Variants in NAV2 observed in about 807,000 individuals in gnomAD.
NAV2 encodes helicase, APC down-regulated 1.
NAV2 carries 54 observed loss-of-function variants against 223.2 expected under a neutral mutation model. The observed-to-expected ratio is 0.24, with a 90% CI of 0.19 to 0.30. The LOEUF (loss-of-function observed/expected upper bound fraction) is 0.30. Ranked by LOEUF, NAV2 falls within the 10% of genes least tolerant of loss-of-function variation. The pLI, the probability that NAV2 is intolerant of heterozygous loss-of-function variation, is 1.00. For missense variants in NAV2, 2,806 were observed against 3,147.5 expected (o/e 0.89, Z 2.60); for synonymous variants, 1,279 against 1,239.3 (o/e 1.03, Z -0.67).
rs763324226 is a variant in NAV2, at chr11:20,044,979, G to A, written c.3211G>A (p.Asp1071Asn). ...LKTPGTGKTD[D>N]AKVSEKGRLS... is the part of the protein sequence containing the mutation. ...GATCTCTCTCTTAGGAAAAACAGAC[G>A]ACGCAAAGGTGTCTGAGAAAGGAAG... Residue 1071 changes from aspartate to asparagine, a missense_variant, in exon 14 of 38, where the codon GAC becomes AAC. Around this residue, in one of 4 missense-constraint regions of NAV2, gnomAD observed 742 missense variants for 777.9 expected, o/e 0.95. Coordinates refer to ENST00000349880, the MANE Select transcript of NAV2 (RefSeq NM_145117.5). 5.0e-6 allele frequency: 8 copies of A among 1,604,734 alleles called. No individual in the cohort carries two copies. Among genetic ancestry groups the A allele is most frequent in the South Asian group, 1.1e-5 (1 of 89,728 alleles).
intron 10 of NAV2, among the ~76,000 whole-genome samples, chr11:19,970,825 T>C (rs2049176780): frequency 6.6e-6 from 1 of 152,218 alleles, no homozygotes; most frequent in Non-Finnish European, 1.5e-5. Context: ...ATTCTCTGAG[T>C]CTTCATTTTG....
At chr11:19,717,701 G>A (rs529069730) in intron 1 of NAV2, among the ~76,000 whole-genome samples, 15 of 152,340 alleles carry the variant, frequency 9.8e-5, no homozygotes, top group African/African-American at 3.1e-4. Flanking sequence ...AATGTGCAGG[G>A]TAGTTGTGAG....
chr11:19,530,162 G>A (rs1413040067), intron 1 of NAV2, among the ~76,000 whole-genome samples: 1 of 152,134 alleles, frequency 6.6e-6, no homozygotes, highest in Non-Finnish European at 1.5e-5. Flanking sequence ...TTAGCATTCT[G>A]GTGACCCCAG....
At chr11:20,043,811 A>T in intron 12 of NAV2, 170 bp from the exon 13 acceptor site, 1 of 587,168 alleles carries the variant, frequency 1.7e-6, no homozygotes, top group South Asian at 2.6e-5. Context: ...CCAAAAAAAA[A>T]AAATCAGTCT....
In NAV2 at chr11:19,713,202, C is replaced by T; in HGVS notation, c.-494C>T. 1 of 561,990 alleles carries T rather than the reference C, an allele frequency of 1.8e-6. No homozygotes were observed. The highest frequency in any genetic ancestry group is 7.7e-5 in the South Asian group (1 of 12,904). The allele number at this position is 561,990 out of a possible 1,614,324, so 34.8% of individuals were successfully genotyped here. A position where few individuals can be genotyped will look rare whatever the true frequency, so the allele number is the denominator to read the frequency against. ...TCTTCTCTCCTTCCTTCGCTGCTGT[C>T]TCCTTTCCTTCCTTGGCTGCTCGCT... On this transcript the variant is annotated 5_prime_UTR_variant, in exon 1 of 38. Coordinates refer to ENST00000349880, the MANE Select transcript of NAV2 (RefSeq NM_145117.5). This position sits in a 1 kb window ranked among gnomAD's most constrained non-coding sequence, Gnocchi z 7.2.
chr11:20,091,629 C>T (rs2060857836), intron 27 of NAV2, among the ~76,000 whole-genome samples: 1 of 152,156 alleles, frequency 6.6e-6, no homozygotes, highest in Non-Finnish European at 1.5e-5. Context: ...TTTCTGTGGA[C>T]ATAGCACCAA....
chr11:19,919,677 C>G (rs978589064), intron 6 of NAV2, among the ~76,000 whole-genome samples: 2 of 152,196 alleles, frequency 1.3e-5, no homozygotes, highest in African/African-American at 4.8e-5. Flanking sequence ...TTTGGTGTAG[C>G]TACACCTTGC....
intron 1 of NAV2, among the ~76,000 whole-genome samples, chr11:19,701,530 G>C (rs981312837): frequency 2.6e-5 from 4 of 152,202 alleles, no homozygotes; most frequent in Admixed American, 1.3e-4. Flanking sequence ...CCAGGATGAT[G>C]ATGATGCTTA....
chr11:19,586,883 G>A (rs188314525), intron 1 of NAV2, among the ~76,000 whole-genome samples: 15 of 152,326 alleles, frequency 9.8e-5, no homozygotes, highest in Admixed American at 2.0e-4. Context: ...CGTGCTGTGG[G>A]AACCACTACT....
chr11:19,825,869 A>G (rs948599938), intron 1 of NAV2, among the ~76,000 whole-genome samples: 6 of 152,254 alleles, frequency 3.9e-5, no homozygotes, highest in African/African-American at 1.2e-4. Context: ...ACTCCTTAAA[A>G]TTCTGTCAGG....
At chr11:20,026,754 T>C (rs2055123768) in intron 11 of NAV2, among the ~76,000 whole-genome samples, 1 of 152,254 alleles carries the variant, frequency 6.6e-6, no homozygotes, top group African/African-American at 2.4e-5. Context: ...AACACTCATG[T>C]GTCTGTGTTT....
chr11:19,966,026 T>C (rs2048743616), intron 10 of NAV2, among the ~76,000 whole-genome samples: 1 of 152,234 alleles, frequency 6.6e-6, no homozygotes, highest in African/African-American at 2.4e-5. Flanking sequence ...ACTTCTTACA[T>C]GGAGCTCAGG....
chr11:19,518,412 A>C (rs2043530621), intron 1 of NAV2: 1 of 152,164 alleles, frequency 6.6e-6, no homozygotes, highest in African/African-American at 2.4e-5. Context: ...TCCCATGCTG[A>C]GTGCAGCTGC....
At chr11:19,636,650 T>G (rs2047511286) in intron 1 of NAV2, among the ~76,000 whole-genome samples, 1 of 152,134 alleles carries the variant, frequency 6.6e-6, no homozygotes, top group South Asian at 2.1e-4. Flanking sequence ...TTTTGTATTT[T>G]TAGTAGAGAC....
chr11:19,762,611 CTTTTTTTTT>C lies in NAV2; in HGVS notation c.267+48662_267+48670del, dbSNP rs35264238. Among the ~76,000 whole-genome samples the C allele has an allele frequency of 3.0e-3, 332 of 109,554 alleles. 1 individual carries two copies. The highest frequency in any genetic ancestry group is 0.012 in the African/African-American group (321 of 26,850). 71.9% of individuals were successfully genotyped at this position (109,554 alleles called of 152,430 possible). On this transcript the variant is annotated intron_variant, in intron 1 of 37. Transcript: ENST00000349880. The stretch of plus-strand genomic sequence containing the variant: ...GCTGTTACTTCAGCAGAGAAGTCTT[CTTTTTTTTT>C]TTTTTTTTTTTTGAGATGACATCTC...
At position 19,608,008 on chromosome 11, in the gene NAV2, G is replaced by A. The variant is rs552844214; in HGVS notation, c.76-224476G>A. 8.5e-5 allele frequency among the ~76,000 whole-genome samples: 13 copies of A among 152,282 alleles called. No individual in the cohort carries two copies. The South Asian group carries it at 2.7e-3, about 32-fold the overall frequency. ...GTGCACATCAATGCATTATCTCAGT[G>A]CAAAACCAGAACCTCCCCCAATTCT... On this transcript the variant is annotated intron_variant, in intron 1 of 37. Coordinates refer to the NAV2 transcript ENST00000360655.
intron 1 of NAV2, among the ~76,000 whole-genome samples, chr11:19,362,946 C>T (rs762133803): frequency 4.3e-4 from 66 of 152,286 alleles, no homozygotes; most frequent in Non-Finnish European, 7.9e-4. Context: ...GTATATCAGA[C>T]ACTGTTCTAT....
In NAV2 at chr11:20,113,858, T is replaced by G. The variant is rs376331193; in HGVS notation, c.6961-734T>G. On this transcript the variant is annotated intron_variant, in intron 36 of 37. Coordinates refer to ENST00000349880, the MANE Select transcript of NAV2 (RefSeq NM_145117.5). ...ATCCCATCTCTTAAAAAAAAATGTT[T>G]TAAAAATTAGCCAGACATGGTGGCA... 1.1e-4 allele frequency among the ~76,000 whole-genome samples: 16 copies of G among 152,020 alleles called. No individual in the cohort carries two copies. The East Asian group carries it at 2.3e-3, about 22-fold the overall frequency.
intron 11 of NAV2, among the ~76,000 whole-genome samples, chr11:20,030,614 T>C (rs2055618843): frequency 1.3e-5 from 2 of 152,240 alleles, no homozygotes; most frequent in Non-Finnish European, 2.9e-5. Context: ...TTTGTAAATT[T>C]AACATACCTG....
Sources: allele counts gnomAD v4.1 joint callset (sites outside exome capture counted in the v4.1 genomes callset), GRCh38; gene constraint gnomAD v4.1.1; regional missense constraint gnomAD v4.1.1; non-coding constraint Gnocchi (gnomAD v3.1); transcripts MANE v1.5; gene names NCBI Gene and HGNC (gene_info 2026-07-23, HGNC 2026-07-21).